The following TM9SF4 variants were observed in gnomAD, a reference collection of about 807,000 sequenced individuals.
The protein encoded by TM9SF4 is dinucleotide oxidase disulfide thiol exchanger 3 superfamily member 4.
A neutral mutation model predicts 90.4 loss-of-function variants in TM9SF4; 26 were observed. That is an observed-to-expected ratio of 0.29 (90% confidence interval 0.21 to 0.40). The LOEUF is 0.40. TM9SF4 is among the 10% of genes least tolerant of loss of function. The probability of loss-of-function intolerance (pLI) is 1.00; values close to 1 mark genes in which losing one functional copy is unlikely to be tolerated. For missense variants in TM9SF4, 549 were observed against 834.8 expected, an observed-to-expected ratio of 0.66 and a Z score of 4.22; for synonymous variants, 293 against 315.4, an observed-to-expected ratio of 0.93 and a Z score of 0.75.
At chr20:32,110,135 A>G (rs2046119826) in intron 1 of TM9SF4, 1 of 979,618 alleles carries the variant, frequency 1.0e-6, no homozygotes, top group East Asian at 6.3e-5. Context: ...TCACGTCCAG[A>G]CCCTGCTCTC....
chr20:32,120,885 TATG>T (rs1435934454), intron 1 of TM9SF4, among the ~76,000 whole-genome samples: 11 of 152,384 alleles, frequency 7.2e-5, no homozygotes, highest in South Asian at 2.1e-4. Context: ...CTACATCTAT[TATG>T]ATGATCATAT....
intron 16 of TM9SF4, chr20:32,161,022 A>G (rs552499574): frequency 6.8e-6 from 2 of 292,060 alleles, no homozygotes; most frequent in East Asian, 6.3e-5. Flanking sequence ...AGAAATGTTA[A>G]TTATTTTTTT....
intron 6 of TM9SF4, 67 bp from the exon 7 acceptor site, chr20:32,145,024 C>G: frequency 1.3e-6 from 2 of 1,513,378 alleles, no homozygotes; most frequent in Admixed American, 3.3e-5. Flanking sequence ...GAGGGCAGCC[C>G]CTGGAATAGC....
Position 32,145,412 on chromosome 20 carries a change from T to C in TM9SF4, c.872T>C (p.Phe291Ser), listed in dbSNP as rs1370807246. Residue 291 changes from phenylalanine to serine, a missense_variant, in exon 8 of 18, where the codon TTC becomes TCC. Phe to Ser is a radical substitution (Grantham distance 155, BLOSUM62 -2). This residue lies in a region of TM9SF4 where 495 missense variants were observed against 711.7 expected (regional missense o/e 0.70). Transcript: ENST00000398022. The part of the protein sequence containing the change: ...FSIINSVVVV[F>S]FLSGILSMII... ...ATCATTAACTCCGTTGTTGTGGTCTTCTTCCTGTCAGGTGAGAGATCTGTG... is the reference window on the plus strand; with the variant it reads ...ATCATTAACTCCGTTGTTGTGGTCTCCTTCCTGTCAGGTGAGAGATCTGTG... The C allele has an allele frequency of 6.2e-7, 1 of 1,614,136 alleles. No homozygotes were observed. The highest frequency in any genetic ancestry group is 1.1e-5 in the South Asian group (1 of 91,078).
chr20:32,121,903 G>A (rs1373258838), intron 1 of TM9SF4, among the ~76,000 whole-genome samples: 13 of 144,358 alleles, frequency 9.0e-5, no homozygotes, highest in African/African-American at 2.6e-4. Flanking sequence ...CCTCCCTCCC[G>A]GACGGGGCGG....
At chr20:32,151,633 T>C (rs1325068820) in intron 12 of TM9SF4, among the ~76,000 whole-genome samples, 3 of 152,176 alleles carry the variant, frequency 2.0e-5, no homozygotes. Flanking sequence ...ACCGTGACTA[T>C]TTTGGGAGGA....
At chr20:32,111,296 G>A (rs1363299439) in intron 1 of TM9SF4, among the ~76,000 whole-genome samples, 1 of 152,180 alleles carries the variant, frequency 6.6e-6, no homozygotes, top group African/African-American at 2.4e-5. Flanking sequence ...CAGAGATAGT[G>A]TAAGAACTTA....
In TM9SF4 at chr20:32,157,899, A is replaced by G. The variant is rs773237508; in HGVS notation, c.1435A>G (p.Asn479Asp). 10 of 1,613,976 alleles carry G rather than the reference A, an allele frequency of 6.2e-6. No homozygotes were observed. Among genetic ancestry groups the G allele is most frequent in the Non-Finnish European group, 8.5e-6 (10 of 1,180,016 alleles). Residue 479 changes from asparagine (N) to aspartate (D), a missense_variant, in exon 14 of 18, where the codon AAC (asparagine) becomes GAC (aspartate). Around this residue, in one of 2 missense-constraint regions of TM9SF4, gnomAD observed 495 missense variants for 711.7 expected, o/e 0.70. Transcript: ENST00000398022. ...YFGFRKQPYDNPVRTNQIPRQ... is the reference protein window; with the variant it reads ...YFGFRKQPYDDPVRTNQIPRQ... ...CGGCTTCCGAAAGCAGCCATATGAC[A>G]ACCCTGTGCGCACCAACCAGATTCC...
At chr20:32,114,976 T>C (rs1449590885) in intron 1 of TM9SF4, among the ~76,000 whole-genome samples, 2 of 152,268 alleles carry the variant, frequency 1.3e-5, no homozygotes, top group Non-Finnish European at 2.9e-5. Context: ...TTTGGAATAC[T>C]TTAAGGTGAG....
chr20:32,119,072 T>A (rs2046269375), intron 1 of TM9SF4, among the ~76,000 whole-genome samples: 1 of 152,174 alleles, frequency 6.6e-6, no homozygotes, highest in African/African-American at 2.4e-5. Flanking sequence ...ATAAAATGGA[T>A]CAGGCGCAGT....
In TM9SF4 at chr20:32,137,239, C is replaced by T. The variant is rs113794664; in HGVS notation, c.229+1066C>T. On this transcript the variant is annotated intron_variant, in intron 3 of 17. Coordinates refer to ENST00000398022, the MANE Select transcript of TM9SF4 (RefSeq NM_014742.4). ...CCATTGCCCTCCTTTCCTCACCACA[C>T]CATGCTATCCTCCAGCCACCTTGCC... 7.9e-3 allele frequency among the ~76,000 whole-genome samples: 1,201 copies of T among 152,310 alleles called. 27 individuals carry two copies. Among genetic ancestry groups the T allele is most frequent in the African/African-American group, 0.028 (1,144 of 41,558 alleles).
chr20:32,119,396 C>T (rs528930628), intron 1 of TM9SF4, among the ~76,000 whole-genome samples: 1 of 152,204 alleles, frequency 6.6e-6, no homozygotes, highest in East Asian at 1.9e-4. Flanking sequence ...TGTGGTGGTA[C>T]CTCACTGTGG....
chr20:32,137,466 G>A (rs2046610955), intron 3 of TM9SF4, among the ~76,000 whole-genome samples: 1 of 152,192 alleles, frequency 6.6e-6, no homozygotes. Context: ...GAAAGTTCCT[G>A]CCTCATAGAA....
chr20:32,160,997 C>CT (rs1405827149), intron 16 of TM9SF4: 1 of 205,778 alleles, frequency 4.9e-6, no homozygotes, highest in African/African-American at 2.5e-5. Flanking sequence ...CTGCCACATG[C>CT]TAAGCATTTG....
chr20:32,128,229 G>A (rs1479813823), intron 1 of TM9SF4, among the ~76,000 whole-genome samples: 2 of 152,160 alleles, frequency 1.3e-5, no homozygotes, highest in African/African-American at 4.8e-5. Context: ...TTGTCAAGAT[G>A]CAGTTTTAAA....
chr20:32,138,776 C>G (rs2046629826), intron 3 of TM9SF4, among the ~76,000 whole-genome samples: 1 of 152,224 alleles, frequency 6.6e-6, no homozygotes, highest in Non-Finnish European at 1.5e-5. Context: ...GGTCTGCAGC[C>G]CTGTTCCTCT....
At chr20:32,131,924 G>A (rs2046520881) in intron 1 of TM9SF4, among the ~76,000 whole-genome samples, 1 of 152,272 alleles carries the variant, frequency 6.6e-6, no homozygotes, top group Non-Finnish European at 1.5e-5. Context: ...CACATTCAAG[G>A]GTAGGGGGAC....
chr20:32,111,199 C>G (rs1167559226), intron 1 of TM9SF4, among the ~76,000 whole-genome samples: 2 of 152,172 alleles, frequency 1.3e-5, no homozygotes, highest in African/African-American at 4.8e-5. Context: ...TTTCAGACTT[C>G]AGGCTGAACC....
At chr20:32,161,617 G>A (rs576761259) in intron 17 of TM9SF4, among the ~76,000 whole-genome samples, 8 of 152,292 alleles carry the variant, frequency 5.3e-5, no homozygotes, top group Middle Eastern at 3.4e-3. Context: ...TAAAACTTAC[G>A]AGGTATAGCC....
Sources: allele counts gnomAD v4.1 joint callset (sites outside exome capture counted in the v4.1 genomes callset), GRCh38; gene constraint gnomAD v4.1.1; regional missense constraint gnomAD v4.1.1; transcripts MANE v1.5; gene names NCBI Gene and HGNC (gene_info 2026-07-23, HGNC 2026-07-21).